SCFD2: variants seen among roughly 807,000 people sequenced by gnomAD.
The protein encoded by SCFD2 is sec1 family domain containing 2.
A neutral mutation model predicts 58.9 loss-of-function variants in SCFD2; 54 were observed. That is an observed-to-expected ratio of 0.92 (90% confidence interval 0.74 to 1.15). The LOEUF is 1.15. Ranked by LOEUF, SCFD2 falls within the 50% of genes most tolerant of loss-of-function variation. The probability of loss-of-function intolerance (pLI) is 0.00; values close to 1 mark genes in which losing one functional copy is unlikely to be tolerated. For synonymous variants in SCFD2, 321 were observed against 335.9 expected (o/e 0.96, Z 0.49); for missense variants, 805 against 836.6 (o/e 0.96, Z 0.47).
chr4:53,181,534 C>A (rs570731640), intron 4 of SCFD2, among the ~76,000 whole-genome samples: 1 of 152,218 alleles, frequency 6.6e-6, no homozygotes, highest in Non-Finnish European at 1.5e-5. Flanking sequence ...CTATAACAAA[C>A]CCACAGCCAA....
At chr4:52,880,153 G>C (rs1718572649) in intron 8 of SCFD2, among the ~76,000 whole-genome samples, 1 of 152,156 alleles carries the variant, frequency 6.6e-6, no homozygotes, top group Admixed American at 6.5e-5. Flanking sequence ...AAGGCTCTCA[G>C]AAGATCTGAA....
intron 7 of SCFD2, among the ~76,000 whole-genome samples, chr4:52,897,272 A>G (rs984080157): frequency 2.0e-5 from 3 of 152,226 alleles, no homozygotes; most frequent in Admixed American, 2.0e-4. Flanking sequence ...TTGCCCATTC[A>G]GTATGATATT....
chr4:53,041,237 A>G (rs1385093615), intron 5 of SCFD2, among the ~76,000 whole-genome samples: 1 of 152,204 alleles, frequency 6.6e-6, no homozygotes. Flanking sequence ...ATAGTGCTGC[A>G]GTATCTTATG....
At chr4:53,334,702 G>A (rs1733619487) in intron 2 of SCFD2, among the ~76,000 whole-genome samples, 1 of 151,874 alleles carries the variant, frequency 6.6e-6, no homozygotes, top group Non-Finnish European at 1.5e-5. Context: ...GTATACATAT[G>A]TAACTAACCT....
chr4:53,249,077 T>C (rs1368700188), intron 4 of SCFD2, among the ~76,000 whole-genome samples: 1 of 152,050 alleles, frequency 6.6e-6, no homozygotes, highest in Admixed American at 6.6e-5. Context: ...GACGATTGTA[T>C]TAAATAGAAT....
At chr4:53,067,688 T>C (rs1455498908) in intron 5 of SCFD2, among the ~76,000 whole-genome samples, 3 of 152,088 alleles carry the variant, frequency 2.0e-5, no homozygotes, top group Non-Finnish European at 4.4e-5. Context: ...CCTTCTGCCA[T>C]GATTGTAAGT....
intron 5 of SCFD2, among the ~76,000 whole-genome samples, chr4:53,115,687 G>C (rs1279537160): frequency 6.6e-6 from 1 of 152,084 alleles, no homozygotes; most frequent in Non-Finnish European, 1.5e-5. Flanking sequence ...GTGGATATGG[G>C]CTGACATGGT....
chr4:53,323,588 G>A (rs1057513069), intron 2 of SCFD2, among the ~76,000 whole-genome samples: 17 of 117,290 alleles, frequency 1.4e-4, no homozygotes, highest in Admixed American at 5.2e-4. Flanking sequence ...TCACTATGTT[G>A]CCCAGGCTGG....
At chr4:53,338,151 AGACTTCT>A (rs1340673533) in intron 2 of SCFD2, among the ~76,000 whole-genome samples, 2 of 152,250 alleles carry the variant, frequency 1.3e-5, no homozygotes, top group Non-Finnish European at 2.9e-5. Flanking sequence ...GACTGATTTC[AGACTTCT>A]GACATCCAGA....
intron 2 of SCFD2, among the ~76,000 whole-genome samples, chr4:53,346,189 C>G (rs567071377): frequency 6.6e-6 from 1 of 151,778 alleles, no homozygotes; most frequent in African/African-American, 2.4e-5. Context: ...CAATAGTAGA[C>G]AATGACTGAA....
chr4:53,177,717 G>A (rs1221597643), intron 4 of SCFD2, among the ~76,000 whole-genome samples: 6 of 152,176 alleles, frequency 3.9e-5, no homozygotes, highest in African/African-American at 7.2e-5. Context: ...CGCCTCATCC[G>A]GGAAGCGAAA....
At chr4:52,927,782 T>A (rs955520497) in intron 5 of SCFD2, among the ~76,000 whole-genome samples, 13 of 152,198 alleles carry the variant, frequency 8.5e-5, no homozygotes, top group African/African-American at 3.1e-4. Flanking sequence ...GGTCAGGGTT[T>A]TGGCATTAGT....
In SCFD2 at chr4:53,313,865, G is replaced by C. The variant is rs150918158; in HGVS notation, c.1008-102C>G. ...TTAAAATATATTTTTGAGCATTAAT[G>C]TAGTCTTTCCTACTGATAGACTCTA... On this transcript the variant is annotated intron_variant, in intron 2 of 8. Transcript: ENST00000401642. The C allele has an allele frequency of 1.9e-4, 211 of 1,105,738 alleles. 2 individuals are homozygous for C. In the East Asian group the frequency reaches 4.2e-3, roughly 22 times the overall value. The allele number at this position is 1,105,738 out of a possible 1,614,324, so 68.5% of individuals were successfully genotyped here. A position where few individuals can be genotyped will look rare whatever the true frequency, so the allele number is the denominator to read the frequency against.
intron 4 of SCFD2, among the ~76,000 whole-genome samples, chr4:53,204,850 C>T (rs916130958): frequency 6.6e-6 from 1 of 151,304 alleles, no homozygotes; most frequent in African/African-American, 2.4e-5. Context: ...GGAATCAGAA[C>T]AGGTTCAGAA....
chr4:52,958,617 A>T (rs1402154837), intron 5 of SCFD2, among the ~76,000 whole-genome samples: 1 of 152,130 alleles, frequency 6.6e-6, no homozygotes, highest in Admixed American at 6.5e-5. Context: ...CATAGGCACA[A>T]GGAGAAAGGA....
intron 5 of SCFD2, among the ~76,000 whole-genome samples, chr4:53,135,560 G>GT (rs1417563822): frequency 6.6e-6 from 1 of 152,126 alleles, no homozygotes; most frequent in Non-Finnish European, 1.5e-5. Context: ...GGCCAACATG[G>GT]TGAAACCCCA....
chr4:53,340,805 T>C (rs1309493423), intron 2 of SCFD2, among the ~76,000 whole-genome samples: 1 of 152,206 alleles, frequency 6.6e-6, no homozygotes, highest in Non-Finnish European at 1.5e-5. Context: ...CGATCTGCAA[T>C]ATTCGCTGTT....
At chr4:53,336,160 T>C (rs767419364) in intron 2 of SCFD2, among the ~76,000 whole-genome samples, 2 of 152,216 alleles carry the variant, frequency 1.3e-5, no homozygotes, top group Non-Finnish European at 2.9e-5. Context: ...AATACAGGTC[T>C]TGGCTATATT....
chr4:53,256,638 G>A (rs1378470782), intron 4 of SCFD2, among the ~76,000 whole-genome samples: 2 of 152,118 alleles, frequency 1.3e-5, no homozygotes, highest in African/African-American at 4.8e-5. Flanking sequence ...ACCTCGGGAG[G>A]CCGAGGCTGG....
Sources: allele counts gnomAD v4.1 joint callset (sites outside exome capture counted in the v4.1 genomes callset), GRCh38; gene constraint gnomAD v4.1.1; transcripts MANE v1.5; gene names NCBI Gene and HGNC (gene_info 2026-07-23, HGNC 2026-07-21).